The following NEO1 variants were observed in gnomAD, a reference collection of about 807,000 sequenced individuals.
NEO1 encodes neogenin.
A neutral mutation model predicts 159.7 loss-of-function variants in NEO1; 63 were observed. The ratio of observed to expected loss-of-function variants is 0.39; its 90% confidence interval spans 0.32 to 0.49. NEO1 has a LOEUF of 0.49. NEO1 is among the 20% of genes least tolerant of loss of function. The probability of loss-of-function intolerance (pLI) is 0.85; values close to 1 mark genes in which losing one functional copy is unlikely to be tolerated. For synonymous variants in NEO1, 633 were observed against 662.0 expected (o/e 0.96, Z 0.67); for missense variants, 1,615 against 1,831.0 (o/e 0.88, Z 2.15).
At chr15:73,142,859 C>A (rs1001766909) in intron 5 of NEO1, among the ~76,000 whole-genome samples, 3 of 152,160 alleles carry the variant, frequency 2.0e-5, no homozygotes, top group African/African-American at 4.8e-5. Flanking sequence ...AACCTCCCCC[C>A]ACAACACTAA....
At chr15:73,142,830 TTAAAA>T (rs1292699852) in intron 5 of NEO1, among the ~76,000 whole-genome samples, 2 of 152,128 alleles carry the variant, frequency 1.3e-5, no homozygotes, top group Non-Finnish European at 2.9e-5. Flanking sequence ...CAAAAAAAAT[TTAAAA>T]TAAAGATTCT....
At chr15:73,098,599 A>G (rs1189519945) in intron 1 of NEO1, among the ~76,000 whole-genome samples, 2 of 152,176 alleles carry the variant, frequency 1.3e-5, no homozygotes, top group Non-Finnish European at 2.9e-5. Flanking sequence ...CTTGCGTACA[A>G]CTGCATAGTA....
intron 26 of NEO1, 134 bp downstream of exon 26, chr15:73,293,682 G>A (rs749671510): frequency 1.0e-6 from 1 of 955,250 alleles, no homozygotes; most frequent in Non-Finnish European, 1.5e-6. Flanking sequence ...TAACATTTCT[G>A]TGACTGACTC....
At chr15:73,171,654 T>C (rs1235731386) in intron 5 of NEO1, among the ~76,000 whole-genome samples, 8 of 135,502 alleles carry the variant, frequency 5.9e-5, no homozygotes, top group South Asian at 4.7e-4. Flanking sequence ...ATTATTATTA[T>C]TACTTGAGAC....
chr15:73,201,244 A>T (rs982711449), intron 7 of NEO1, among the ~76,000 whole-genome samples: 11 of 150,684 alleles, frequency 7.3e-5, no homozygotes, highest in African/African-American at 2.7e-4. Flanking sequence ...TTCTTTCTCT[A>T]GTTTCCCAAG....
intron 15 of NEO1, 42 bp downstream of exon 15, chr15:73,260,507 C>G (rs754239879): frequency 4.2e-6 from 6 of 1,431,016 alleles, no homozygotes; most frequent in South Asian, 1.7e-5. Context: ...GTGGGAGATT[C>G]CTTTCTTTTT....
At chr15:73,159,906 C>T (rs1031154439) in intron 5 of NEO1, among the ~76,000 whole-genome samples, 5 of 152,060 alleles carry the variant, frequency 3.3e-5, no homozygotes, top group Non-Finnish European at 5.9e-5. Flanking sequence ...TAAGACTGCC[C>T]GTTTCTCATA....
chr15:73,214,670 C>T (rs1440677610), intron 7 of NEO1, among the ~76,000 whole-genome samples: 1 of 152,146 alleles, frequency 6.6e-6, no homozygotes, highest in Admixed American at 6.5e-5. Context: ...GTTTTGGTGA[C>T]TATGGCCTTA....
chr15:73,161,280 A>G (rs1227714320), intron 5 of NEO1, among the ~76,000 whole-genome samples: 2 of 152,192 alleles, frequency 1.3e-5, no homozygotes, highest in African/African-American at 4.8e-5. Flanking sequence ...ACTTTGGTGT[A>G]AGAAATGAGA....
chr15:73,238,083 G>A (rs1055247078), intron 8 of NEO1, among the ~76,000 whole-genome samples: 2 of 152,018 alleles, frequency 1.3e-5, no homozygotes, highest in South Asian at 2.1e-4. Flanking sequence ...TTAAATGCTC[G>A]GGAAATTTTG....
intron 1 of NEO1, among the ~76,000 whole-genome samples, chr15:73,099,314 C>T (rs564397058): frequency 1.3e-5 from 2 of 152,148 alleles, no homozygotes; most frequent in Non-Finnish European, 2.9e-5. Context: ...AGGACGACAG[C>T]TTACCAATGC....
rs200575571 is a variant in NEO1 at position 73,116,607 on chromosome 15, A to T, written c.198A>T (p.Arg66Ser). 1 of 1,607,214 alleles carries T rather than the reference A, an allele frequency of 6.2e-7. No homozygotes were observed. Among genetic ancestry groups the T allele is most frequent in the Non-Finnish European group, 8.5e-7 (1 of 1,177,872 alleles). The change falls in exon 2 of 29, where the codon AGA (arginine) becomes AGT (serine). Residue 66 changes from arginine (R) to serine (S), a missense_variant. Physicochemically the swap from Arg to Ser is moderately radical, Grantham distance 110. Coordinates refer to ENST00000261908, the MANE Select transcript of NEO1 (RefSeq NM_002499.4). ...LVEPVDTLSV[R>S]GSSVILNCSA... ...AGCCGGTGGATACACTCTCAGTTAG[A>T]GGCTCTTCTGTTATATTAAACTGTT... is the stretch of plus-strand genomic sequence containing the variant.
intron 19 of NEO1, among the ~76,000 whole-genome samples, 172 bp downstream of exon 19, chr15:73,272,734 C>A (rs1038483419): frequency 1.3e-5 from 2 of 151,998 alleles, no homozygotes; most frequent in African/African-American, 4.8e-5. Flanking sequence ...CTGTGCTGGT[C>A]GCCCATAGCG....
At chr15:73,217,356 G>A (rs1490356933) in intron 7 of NEO1, among the ~76,000 whole-genome samples, 1 of 148,540 alleles carries the variant, frequency 6.7e-6, no homozygotes, top group Non-Finnish European at 1.5e-5. Flanking sequence ...TTTGAAGTCA[G>A]GTAGTGTGAT....
intron 5 of NEO1, among the ~76,000 whole-genome samples, chr15:73,172,679 T>C (rs574100746): frequency 6.6e-6 from 1 of 152,324 alleles, no homozygotes; most frequent in South Asian, 2.1e-4. Context: ...TTTAGTTAAA[T>C]GATATAATGG....
chr15:73,057,434 T>G (rs540093329), intron 1 of NEO1, among the ~76,000 whole-genome samples: 1 of 152,284 alleles, frequency 6.6e-6, no homozygotes, highest in African/African-American at 2.4e-5. Flanking sequence ...ACCATATCAT[T>G]GGTAAGTGTT....
chr15:73,291,558 C>CAGGGA (rs1312228439), intron 25 of NEO1, among the ~76,000 whole-genome samples: 5 of 152,100 alleles, frequency 3.3e-5, no homozygotes, highest in African/African-American at 1.2e-4. Context: ...GCTGGTATTC[C>CAGGGA]CTGAGCTCTG....
At chr15:73,052,416 C>CA (rs1425151514), upstream of NEO1, 1 of 83,922 alleles carries the variant, frequency 1.2e-5, no homozygotes, top group Non-Finnish European at 3.2e-5. Flanking sequence ...CCCACCGCCC[C>CA]CCCCCCCCCG....
At chr15:73,249,450 T>G (rs902435088) in intron 10 of NEO1, 133 bp from the exon 11 acceptor site, 2 of 1,050,600 alleles carry the variant, frequency 1.9e-6, no homozygotes, top group Non-Finnish European at 2.7e-6. Flanking sequence ...CTGCTTTGAC[T>G]ATTGAAGAAC....
Sources: gnomAD v4.1 joint callset for allele counts (sites outside exome capture counted in the v4.1 genomes callset) on GRCh38, gnomAD v4.1.1 for gene constraint, MANE v1.5 for transcripts, NCBI Gene and HGNC (gene_info 2026-07-23, HGNC 2026-07-21) for gene names.